The following MIGA2 variants were observed in gnomAD, a reference collection of about 807,000 sequenced individuals.
The protein encoded by MIGA2 is family with sequence similarity 73, member B.
Under a neutral mutation model 69.9 loss-of-function variants are expected in MIGA2, and 36 were observed. The observed-to-expected ratio is 0.52, with a 90% CI of 0.39 to 0.68. MIGA2 has a LOEUF of 0.68. Among genes scored for constraint, MIGA2 ranks in the 30% least tolerant of loss-of-function variants. The probability of loss-of-function intolerance (pLI) is 0.00; values close to 1 mark genes in which losing one functional copy is unlikely to be tolerated. For missense variants in MIGA2, 660 were observed against 787.7 expected, an observed-to-expected ratio of 0.84 and a Z score of 1.94; for synonymous variants, 333 against 349.2, an observed-to-expected ratio of 0.95 and a Z score of 0.52.
intron 6 of MIGA2, among the ~76,000 whole-genome samples, chr9:129,053,244 G>A (rs1845636271): frequency 6.6e-6 from 1 of 152,132 alleles, no homozygotes; most frequent in Non-Finnish European, 1.5e-5. Context: ...TTAATGATCT[G>A]TGGCATATCT....
At chr9:129,067,706 T>G in intron 11 of MIGA2, 67 bp from the exon 12 acceptor site, 2 of 1,455,554 alleles carry the variant, frequency 1.4e-6, no homozygotes, top group South Asian at 2.4e-5. Context: ...ATGTCCCCCA[T>G]CCACAGGCCA....
At chr9:129,042,001 G>A (rs60385020) in intron 2 of MIGA2, 1 of 394,344 alleles carries the variant, frequency 2.5e-6, no homozygotes, top group Non-Finnish European at 4.9e-6. Context: ...AGGTCCTAGT[G>A]CAGTGCCGGG....
chr9:129,065,834 T>C (rs1467020668), intron 11 of MIGA2, among the ~76,000 whole-genome samples: 2 of 151,856 alleles, frequency 1.3e-5, no homozygotes, highest in Non-Finnish European at 2.9e-5. Flanking sequence ...ACCTGACTCA[T>C]CCCCTGAGGC....
chr9:129,067,135 CAAAAAAA>C (rs774512522), intron 11 of MIGA2, among the ~76,000 whole-genome samples: 4 of 52,016 alleles, frequency 7.7e-5, no homozygotes, highest in African/African-American at 2.2e-4. Flanking sequence ...GACTCCATCT[CAAAAAAA>C]AAAAAAAAAA....
In MIGA2 at chr9:129,068,370, A is replaced by G. The variant is rs1245783506; in HGVS notation, c.1404+38A>G. 9 of 1,597,502 alleles carry G rather than the reference A, an allele frequency of 5.6e-6. No individual in the cohort carries two copies. Among genetic ancestry groups the G allele is most frequent in the Non-Finnish European group, 6.8e-6 (8 of 1,178,706 alleles). ...CCTGCTCTCAGACCCACACTTGCTC[A>G]CATCAGCCCGTGTGGTTGCCTGGCT... On this transcript the variant is annotated intron_variant, in intron 13 of 15. Coordinates refer to ENST00000684074, the MANE Select transcript of MIGA2 (RefSeq NM_001329990.2). This position sits in a 1 kb window ranked among gnomAD's most constrained non-coding sequence, Gnocchi z 4.1.
chr9:129,067,049 T>A (rs191140937), intron 11 of MIGA2, among the ~76,000 whole-genome samples: 1,845 of 136,302 alleles, frequency 0.014, 33 homozygotes, highest in African/African-American at 0.048. Flanking sequence ...GGCAGGAGAA[T>A]GGCGTGAACC....
Position 129,049,935 on chromosome 9 carries a change from C to G in MIGA2, c.647C>G (p.Pro216Arg), listed in dbSNP as rs770754127. The G allele has an allele frequency of 1.2e-6, 2 of 1,613,586 alleles. No individual in the cohort carries two copies. Among genetic ancestry groups the G allele is most frequent in the South Asian group, 2.2e-5 (2 of 91,062 alleles). Residue 216 changes from proline (P) to arginine (R), a missense_variant, in exon 6 of 16, where the codon CCA (proline) becomes CGA (arginine). By Grantham distance (103) the Pro-to-Arg change is moderately radical. This residue lies in a region of MIGA2 where 386 missense variants were observed against 402.0 expected (regional missense o/e 0.96). Transcript: ENST00000684074. The part of the protein sequence containing the change: ...TPMPRDGLRN[P>R]ETASEPLSEP... ...ATGCCCAGGGACGGCCTCCGGAACC[C>G]AGAGACTGCATCAGAGCCACTGTCT...
chr9:129,060,494 C>A lies in MIGA2; in HGVS notation c.794-56C>A. On this transcript the variant is annotated intron_variant, in intron 7 of 15. Coordinates refer to ENST00000684074, the MANE Select transcript of MIGA2 (RefSeq NM_001329990.2). The surrounding 1 kb of genome is among the most constrained non-coding windows in gnomAD (Gnocchi z 4.8). ...TGGGGGACTTCGTGTACCGGGATTC[C>A]AGCTGAGCACTGTGTGGGGAGTCTC... 7.1e-7 allele frequency: 1 copy of A among 1,401,454 alleles called. No individual in the cohort carries two copies. The highest frequency in any genetic ancestry group is 9.8e-7 in the Non-Finnish European group (1 of 1,020,140). 86.8% of individuals were successfully genotyped at this position (1,401,454 alleles called of 1,614,324 possible). A position where few individuals can be genotyped will look rare whatever the true frequency, so the allele number is the denominator to read the frequency against.
chr9:129,047,720 ATT>A, intron 3 of MIGA2, among the ~76,000 whole-genome samples: 1 of 151,050 alleles, frequency 6.6e-6, no homozygotes, highest in Non-Finnish European at 1.5e-5. Flanking sequence ...TCCTAAAAAA[ATT>A]TATATATATA....
At position 129,060,776 on chromosome 9, in the gene MIGA2, C is replaced by A; in HGVS notation, c.894+126C>A. 1 of 803,630 alleles carries A rather than the reference C, an allele frequency of 1.2e-6. No homozygotes were observed. Among genetic ancestry groups the A allele is most frequent in the Non-Finnish European group, 2.0e-6 (1 of 505,814 alleles). The allele number at this position is 803,630 out of a possible 1,614,324, so 49.8% of individuals were successfully genotyped here. A position where few individuals can be genotyped will look rare whatever the true frequency, so the allele number is the denominator to read the frequency against. The stretch of plus-strand genomic sequence containing the variant: ...CCTCTGATGGGAGAATTTGGATGCT[C>A]CCACGGGCCTCCTCGAAGCTGTTGG... On this transcript the variant is annotated intron_variant, in intron 8 of 15. Transcript: ENST00000684074. This position sits in a 1 kb window ranked among gnomAD's most constrained non-coding sequence, Gnocchi z 4.8.
rs1337562742 is a variant in MIGA2 at position 129,059,792 on chromosome 9, G to GC, written c.793+525dup. On this transcript the variant is annotated intron_variant, in intron 7 of 15. Transcript: ENST00000684074. The surrounding 1 kb of genome is among the most constrained non-coding windows in gnomAD (Gnocchi z 5.6). The stretch of plus-strand genomic sequence containing the variant: ...GACCCCTGCAGTGAATGACACCCTG[G>GC]CCCCTCCCTGTGCACTCAACCCTGT... 2.0e-5 allele frequency among the ~76,000 whole-genome samples: 3 copies of GC among 152,112 alleles called. No homozygotes were observed. Among genetic ancestry groups the GC allele is most frequent in the African/African-American group, 7.2e-5 (3 of 41,442 alleles).
At chr9:129,055,551 G>A (rs960118150) in intron 6 of MIGA2, among the ~76,000 whole-genome samples, 8 of 151,900 alleles carry the variant, frequency 5.3e-5, no homozygotes, top group South Asian at 4.2e-4. Context: ...TATACTTATT[G>A]AAAAATATCT....
At chr9:129,051,019 G>A (rs182607118) in intron 6 of MIGA2, among the ~76,000 whole-genome samples, 18 of 151,904 alleles carry the variant, frequency 1.2e-4, no homozygotes, top group African/African-American at 3.6e-4. Flanking sequence ...GATTATAGGC[G>A]CATGCCACCC....
At position 129,048,553 on chromosome 9, in the gene MIGA2, G is replaced by T; in HGVS notation, c.420+14G>T. Reference sequence around the variant, plus strand: ...AGTGTGGCCTCGGTGAGCAGCAGGTGCCAGGGCTCCAGGGCTCCAGGTCCG... The same window carrying T: ...AGTGTGGCCTCGGTGAGCAGCAGGTTCCAGGGCTCCAGGGCTCCAGGTCCG... On this transcript the variant is annotated intron_variant, in intron 4 of 15. Transcript: ENST00000684074. 1.2e-6 allele frequency: 2 copies of T among 1,609,144 alleles called. No individual in the cohort carries two copies. The highest frequency in any genetic ancestry group is 1.7e-6 in the Non-Finnish European group (2 of 1,175,572).
intron 6 of MIGA2, among the ~76,000 whole-genome samples, chr9:129,058,538 C>T (rs1180177673): frequency 3.3e-5 from 4 of 121,470 alleles, no homozygotes; most frequent in Admixed American, 1.1e-4. Flanking sequence ...CCTGTTCTGT[C>T]GCCCAGGCTA....
At chr9:129,037,325 C>T (rs1253482100) in intron 1 of MIGA2, among the ~76,000 whole-genome samples, 2 of 152,104 alleles carry the variant, frequency 1.3e-5, no homozygotes, top group Admixed American at 6.6e-5. Context: ...CTTAGGCACC[C>T]AGGCTGAGGG....
chr9:129,048,893 G>T (rs909804107), intron 4 of MIGA2, among the ~76,000 whole-genome samples: 1 of 152,176 alleles, frequency 6.6e-6, no homozygotes. Context: ...GGCTTCTTCT[G>T]GGGTGTGGCT....
At position 129,057,647 on chromosome 9, in the gene MIGA2, A is replaced by G. The variant is rs149142837; in HGVS notation, c.676-1507A>G. Among the ~76,000 whole-genome samples, 327 of 148,852 alleles carry G rather than the reference A, an allele frequency of 2.2e-3. 1 individual carries two copies. The highest frequency in any genetic ancestry group is 7.8e-3 in the African/African-American group (314 of 40,282). On this transcript the variant is annotated intron_variant, in intron 6 of 15. Coordinates refer to ENST00000684074, the MANE Select transcript of MIGA2 (RefSeq NM_001329990.2). ...TGAGACAGAGTCTCGCTCTGTCACC[A>G]AGGCTGGAGTGCAGTGGCACCATTA...
chr9:129,042,408 G>A lies in MIGA2; in HGVS notation c.201G>A (p.Arg67=). The A allele has an allele frequency of 1.9e-6, 3 of 1,613,768 alleles. No individual in the cohort carries two copies. Among genetic ancestry groups the A allele is most frequent in the Non-Finnish European group, 2.5e-6 (3 of 1,180,008 alleles). The change falls in exon 3 of 16, where the codon AGG becomes AGA. Residue 67 remains arginine, a synonymous_variant. Coordinates refer to ENST00000684074, the MANE Select transcript of MIGA2 (RefSeq NM_001329990.2). The part of the protein sequence containing the change: ...ALALAAHQLK[R]RRRRKKQVGP... ...CCCTGGCTGCCCACCAGCTGAAGAG[G>A]CGACGGAGGAGGAAGAAGCAGGTTG...
Sources: gnomAD v4.1 joint callset for allele counts (sites outside exome capture counted in the v4.1 genomes callset) on GRCh38, gnomAD v4.1.1 for gene constraint, gnomAD v4.1.1 regional missense constraint, Gnocchi (gnomAD v3.1) non-coding constraint, MANE v1.5 for transcripts, NCBI Gene and HGNC (gene_info 2026-07-23, HGNC 2026-07-21) for gene names.